Variants in KIF13B observed in about 807,000 individuals in gnomAD.
KIF13B encodes kinesin family member 13B, also known as kinesin-like protein KIF13B.
In KIF13B, 127 loss-of-function variants were observed where a neutral mutation model predicts 222.0. The observed-to-expected ratio is 0.57, with a 90% CI of 0.50 to 0.66. The LOEUF (loss-of-function observed/expected upper bound fraction) is 0.66, where lower values mean the gene tolerates loss of function less well. KIF13B is among the 30% of genes least tolerant of loss of function. The probability of loss-of-function intolerance (pLI) is 0.00; values close to 1 mark genes in which losing one functional copy is unlikely to be tolerated. For synonymous variants in KIF13B, 976 were observed against 919.0 expected (o/e 1.06, Z -1.12); for missense variants, 2,173 against 2,379.0 (o/e 0.91, Z 1.80).
At chr8:29,098,964 A>G (rs1409257326) in intron 36 of KIF13B, among the ~76,000 whole-genome samples, 169 bp downstream of exon 36, 1 of 152,216 alleles carries the variant, frequency 6.6e-6, no homozygotes, top group African/African-American at 2.4e-5. Flanking sequence ...TGCAAGATCA[A>G]TCCAACATTC....
In KIF13B at chr8:29,098,170, C is replaced by CAAAAAAAAAAAAAAAAAAAAAAAAAAA. The variant is rs147089450; in HGVS notation, c.4324+962_4324+963insTTTTTTTTTTTTTTTTTTTTTTTTTTT. Among the ~76,000 whole-genome samples, 50 of 30,304 alleles carry CAAAAAAAAAAAAAAAAAAAAAAAAAAA rather than the reference C, an allele frequency of 1.6e-3. 1 individual carries two copies. The highest frequency in any genetic ancestry group is 0.021 in the Middle Eastern group (1 of 48). 19.9% of individuals were successfully genotyped at this position (30,304 alleles called of 152,430 possible). Reference sequence around the variant, plus strand: ...TGGGCGACAGAGTCAGACTCCATCTCAAAAAAAAAAAAAAAAAAAAGTAAG... The same window carrying CAAAAAAAAAAAAAAAAAAAAAAAAAAA: ...TGGGCGACAGAGTCAGACTCCATCTCAAAAAAAAAAAAAAAAAAAAAAAAAAAAAAAAAAAAAAAAAAAAAAAGTAAG... On this transcript the variant is annotated intron_variant, in intron 36 of 39. Transcript: ENST00000524189.
In KIF13B at chr8:29,155,765, G is replaced by A; in HGVS notation, c.1496C>T (p.Ser499Leu). 2 of 1,603,928 alleles carry A rather than the reference G, an allele frequency of 1.2e-6. No individual in the cohort carries two copies. Among genetic ancestry groups the A allele is most frequent in the South Asian group, 1.1e-5 (1 of 88,996 alleles). Reference protein sequence around the residue: ...LPEHCIIDITSEGQVMLTPQK... With the variant: ...LPEHCIIDITLEGQVMLTPQK... ...AGGAGTCAGCATAACCTGGCCTTCT[G>A]ACGTGATGTCTATAATACAGTGTTC... Residue 499 changes from serine (S) to leucine (L), a missense_variant, in exon 14 of 40, where the codon TCA becomes TTA. Coordinates refer to ENST00000524189, the MANE Select transcript of KIF13B (RefSeq NM_015254.4).
chr8:29,209,154 T>G (rs1814092398), intron 2 of KIF13B, among the ~76,000 whole-genome samples: 2 of 152,120 alleles, frequency 1.3e-5, no homozygotes, highest in African/African-American at 4.8e-5. Flanking sequence ...ATAAGGTAAC[T>G]TTAAAAGACA....
In KIF13B at chr8:29,072,093, A is replaced by C; in HGVS notation, c.4745T>G (p.Leu1582Arg). 7.4e-7 allele frequency: 1 copy of C among 1,344,002 alleles called. No individual in the cohort carries two copies. Among genetic ancestry groups the C allele is most frequent in the Non-Finnish European group, 9.6e-7 (1 of 1,045,554 alleles). 83.3% of individuals were successfully genotyped at this position (1,344,002 alleles called of 1,614,324 possible). Residue 1582 changes from leucine (L) to arginine (R), a missense_variant, in exon 39 of 40, where the codon CTG becomes CGG. By Grantham distance (102) the Leu-to-Arg change is moderately radical. This residue lies in a region of KIF13B where 693 missense variants were observed against 656.2 expected (regional missense o/e 1.06). Transcript: ENST00000524189. ...SVSTATLSDALGPGLDAAAPP... is the reference protein window; with the variant it reads ...SVSTATLSDARGPGLDAAAPP... ...GGCCGCAGCGTCCAGGCCGGGGCCC[A>C]GGGCGTCCGACAGGGTCGCGGTGGA...
At chr8:29,100,560 T>A (rs1371326698) in intron 35 of KIF13B, among the ~76,000 whole-genome samples, 1 of 152,082 alleles carries the variant, frequency 6.6e-6, no homozygotes, top group African/African-American at 2.4e-5. Context: ...TCTCCTGCCT[T>A]AGACTCCTGA....
At position 29,130,668 on chromosome 8, in the gene KIF13B, A is replaced by G. The variant is rs778106204; in HGVS notation, c.2943-3T>C. Reference sequence around the variant, plus strand: ...ATTTCCTGGTCACTTCACTCCATCTAGGAAATAAGCGAAGTTCTTGGAAAA... The same window carrying G: ...ATTTCCTGGTCACTTCACTCCATCTGGGAAATAAGCGAAGTTCTTGGAAAA... On this transcript the variant is annotated splice_polypyrimidine_tract_variant and splice_region_variant and intron_variant, in intron 23 of 39. Coordinates refer to ENST00000524189, the MANE Select transcript of KIF13B (RefSeq NM_015254.4). 4 of 1,613,742 alleles carry G rather than the reference A, an allele frequency of 2.5e-6. No homozygotes were observed. In the South Asian group the frequency reaches 3.3e-5, roughly 13 times the overall value.
chr8:29,079,305 T>C (rs777171100), intron 37 of KIF13B, among the ~76,000 whole-genome samples: 8 of 152,222 alleles, frequency 5.3e-5, no homozygotes, highest in Non-Finnish European at 1.2e-4. Flanking sequence ...CTCCTGCAAC[T>C]GCAGGGAGCA....
At chr8:29,196,259 A>C in intron 2 of KIF13B, 60 bp from the exon 3 acceptor site, 1 of 1,360,302 alleles carries the variant, frequency 7.4e-7, no homozygotes, top group Non-Finnish European at 1.0e-6. Flanking sequence ...AAAAAAAAAA[A>C]ATTTAGTTTA....
Position 29,148,722 on chromosome 8 carries a change from C to T in KIF13B, c.1668G>A (p.Glu556=). 6.2e-7 allele frequency: 1 copy of T among 1,607,378 alleles called. No homozygotes were observed. The highest frequency in any genetic ancestry group is 1.1e-5 in the South Asian group (1 of 89,096). The part of the protein sequence containing the change: ...KKKKKAERED[E]DQDPSMKNEN... ...CGTTCTTCATGGAGGGATCCTGGTC[C>T]TCATCCTCTCGTTCTGCTTTCTTTT... The change falls in exon 16 of 40, where the codon GAG becomes GAA. Residue 556 remains glutamate (E), a synonymous_variant. Coordinates refer to ENST00000524189, the MANE Select transcript of KIF13B (RefSeq NM_015254.4).
chr8:29,248,948 G>C (rs1335281389), intron 1 of KIF13B, among the ~76,000 whole-genome samples: 3 of 152,136 alleles, frequency 2.0e-5, no homozygotes, highest in African/African-American at 7.2e-5. Context: ...TGTGCTGATG[G>C]CTGTACAACA....
chr8:29,127,309 GATTTCCAAAA>G (rs1175164486), intron 24 of KIF13B, 41 bp from the exon 25 acceptor site: 10 of 1,583,544 alleles, frequency 6.3e-6, no homozygotes, highest in Non-Finnish European at 8.6e-6. Context: ...TCAGTGTCTT[GATTTCCAAAA>G]ATTTGATTTA....
chr8:29,197,357 A>C (rs868739941), intron 2 of KIF13B, among the ~76,000 whole-genome samples: 1,649 of 149,734 alleles, frequency 0.011, 21 homozygotes, highest in Non-Finnish European at 0.018. Flanking sequence ...AAAAAAAAAA[A>C]AAAACTCAAT....
At chr8:29,085,119 G>A (rs1373974503) in intron 37 of KIF13B, among the ~76,000 whole-genome samples, 3 of 152,168 alleles carry the variant, frequency 2.0e-5, no homozygotes, top group African/African-American at 7.2e-5. Flanking sequence ...AAAGATCCAG[G>A]AACCTTTCCG....
Position 29,069,826 on chromosome 8 carries a change from A to G in KIF13B, c.*678T>C, listed in dbSNP as rs1807169034. ...TAAGAGACTTTCCAGGTGTCTAAAG[A>G]TGCCAAAACATCCACAGAGAAACCG... is the stretch of plus-strand genomic sequence containing the variant. On this transcript the variant is annotated 3_prime_UTR_variant, in exon 40 of 40. Coordinates refer to ENST00000524189, the MANE Select transcript of KIF13B (RefSeq NM_015254.4). The G allele has an allele frequency of 6.6e-6, 1 of 152,290 alleles. No homozygotes were observed. 9.4% of individuals were successfully genotyped at this position (152,290 alleles called of 1,614,324 possible). A position where few individuals can be genotyped will look rare whatever the true frequency, so the allele number is the denominator to read the frequency against.
chr8:29,073,585 GAAGA>G (rs552134303), intron 38 of KIF13B, among the ~76,000 whole-genome samples: 2 of 152,164 alleles, frequency 1.3e-5, no homozygotes, highest in South Asian at 4.1e-4. Context: ...CTGCTATCCA[GAAGA>G]AATATGTTTT....
chr8:29,215,529 A>G (rs1044524246), intron 2 of KIF13B, among the ~76,000 whole-genome samples: 3 of 152,008 alleles, frequency 2.0e-5, no homozygotes, highest in Non-Finnish European at 4.4e-5. Flanking sequence ...TCTTTACCAA[A>G]AATTCTTTTT....
intron 13 of KIF13B, among the ~76,000 whole-genome samples, chr8:29,160,219 G>C (rs185830470): frequency 7.1e-4 from 108 of 152,292 alleles, no homozygotes; most frequent in African/African-American, 2.6e-3. Context: ...CTGACTCACT[G>C]AGTCTCTAAA....
chr8:29,109,406 A>C, intron 34 of KIF13B, 28 bp downstream of exon 34: 2 of 1,560,026 alleles, frequency 1.3e-6, no homozygotes, highest in Non-Finnish European at 1.8e-6. Context: ...TCCCAGGCAC[A>C]GCACAGAGCT....
chr8:29,252,137 C>T (rs1816310145), intron 1 of KIF13B, among the ~76,000 whole-genome samples: 1 of 152,180 alleles, frequency 6.6e-6, no homozygotes, highest in Non-Finnish European at 1.5e-5. Context: ...CGTATTATTT[C>T]CCAAACAAGA....
Sources: gnomAD v4.1 joint callset for allele counts (sites outside exome capture counted in the v4.1 genomes callset) on GRCh38, gnomAD v4.1.1 for gene constraint, gnomAD v4.1.1 regional missense constraint, MANE v1.5 for transcripts, NCBI Gene and HGNC (gene_info 2026-07-23, HGNC 2026-07-21) for gene names.